MYRIP: variants seen among roughly 807,000 people sequenced by gnomAD.
MYRIP encodes the protein rab effector MyRIP.
A neutral mutation model predicts 98.0 loss-of-function variants in MYRIP; 49 were observed. That is an observed-to-expected ratio of 0.50 (90% CI 0.40 to 0.63). The LOEUF (loss-of-function observed/expected upper bound fraction) is 0.63, where lower values mean the gene tolerates loss of function less well. Among genes scored for constraint, MYRIP ranks in the 30% least tolerant of loss-of-function variants. The pLI, the probability that MYRIP is intolerant of heterozygous loss-of-function variation, is 0.00. For missense variants in MYRIP, 1,004 were observed against 1,058.2 expected, an observed-to-expected ratio of 0.95 and a Z score of 0.71; for synonymous variants, 404 against 409.5, an observed-to-expected ratio of 0.99 and a Z score of 0.16.
intron 2 of MYRIP, among the ~76,000 whole-genome samples, chr3:40,024,247 G>A (rs12630467): frequency 0.085 from 13,008 of 152,188 alleles, 890 homozygotes; most frequent in African/African-American, 0.18. Flanking sequence ...CTGGTCTGTC[G>A]TATGCACTGT....
chr3:39,945,382 C>T (rs1575402350), intron 2 of MYRIP, among the ~76,000 whole-genome samples: 2 of 128,260 alleles, frequency 1.6e-5, no homozygotes, highest in South Asian at 5.1e-4. Flanking sequence ...GAGTCTAAGA[C>T]AGGTGAATCA....
At chr3:39,827,218 TCCTCCCACCTCAA>T (rs1200043910) in intron 1 of MYRIP, among the ~76,000 whole-genome samples, 1 of 152,156 alleles carries the variant, frequency 6.6e-6, no homozygotes, top group East Asian at 1.9e-4. Context: ...ACTCAAATGA[TCCTCCCACCTCAA>T]CCTCCTCACT....
At chr3:40,034,587 G>A (rs972268733) in intron 2 of MYRIP, among the ~76,000 whole-genome samples, 1 of 150,510 alleles carries the variant, frequency 6.6e-6, no homozygotes, top group Non-Finnish European at 1.5e-5. Context: ...GTGCTGGAGA[G>A]GATGTGGAGA....
At chr3:40,035,246 AAAAG>A (rs200874878) in intron 2 of MYRIP, among the ~76,000 whole-genome samples, 2,614 of 151,968 alleles carry the variant, frequency 0.017, 65 homozygotes, top group African/African-American at 0.058. Flanking sequence ...AAAATTAAAA[AAAAG>A]AAAAAGAAAT....
At chr3:39,871,336 T>C (rs1942782427) in intron 1 of MYRIP, among the ~76,000 whole-genome samples, 1 of 152,220 alleles carries the variant, frequency 6.6e-6, no homozygotes, top group African/African-American at 2.4e-5. Flanking sequence ...GGCTTGTGAT[T>C]TGAGTTCAAC....
chr3:39,958,547 T>G (rs1216409933), intron 2 of MYRIP, among the ~76,000 whole-genome samples: 2 of 152,218 alleles, frequency 1.3e-5, no homozygotes, highest in Non-Finnish European at 2.9e-5. Context: ...ATTAAAGACT[T>G]AAATGTTAGA....
In MYRIP at chr3:40,015,943, T is replaced by A. The variant is rs74944915; in HGVS notation, c.111-28107T>A. Among the ~76,000 whole-genome samples the A allele has an allele frequency of 6.6e-4, 101 of 152,256 alleles. No homozygotes were observed. The East Asian group carries it at 0.019, about 28-fold the overall frequency. On this transcript the variant is annotated intron_variant, in intron 2 of 16. Transcript: ENST00000302541. ...CACTGAAACCACTCTTCCTAGTGGT[T>A]TTAGTAACTCTAGTGAACACATTTT...
chr3:39,837,760 A>T (rs558489618), intron 1 of MYRIP, among the ~76,000 whole-genome samples: 1 of 152,208 alleles, frequency 6.6e-6, no homozygotes, highest in Non-Finnish European at 1.5e-5. Flanking sequence ...AAGAAAGCCA[A>T]TGGTAGCTTG....
chr3:39,845,709 G>T (rs1242884664), intron 1 of MYRIP, among the ~76,000 whole-genome samples: 1 of 151,942 alleles, frequency 6.6e-6, no homozygotes, highest in Non-Finnish European at 1.5e-5. Context: ...TGGAGGTGGG[G>T]GCTCAAGGGA....
chr3:40,117,794 A>G (rs1404709602), intron 3 of MYRIP, among the ~76,000 whole-genome samples: 7 of 152,202 alleles, frequency 4.6e-5, no homozygotes, highest in Non-Finnish European at 1.5e-5. Flanking sequence ...AAATTAATTT[A>G]CTTTAGAGCA....
intron 2 of MYRIP, among the ~76,000 whole-genome samples, chr3:39,981,080 A>G (rs1014066152): frequency 3.9e-5 from 6 of 152,230 alleles, no homozygotes; most frequent in East Asian, 3.8e-4. Context: ...TTAAAATAAC[A>G]TAAGTGTCAT....
At chr3:40,006,739 T>A (rs770867207) in intron 2 of MYRIP, among the ~76,000 whole-genome samples, 2 of 152,248 alleles carry the variant, frequency 1.3e-5, no homozygotes, top group Non-Finnish European at 2.9e-5. Flanking sequence ...TTTGCAGTAT[T>A]CGTCTTCTAG....
intron 11 of MYRIP, among the ~76,000 whole-genome samples, chr3:40,231,037 C>G (rs981682266): frequency 6.6e-6 from 1 of 152,138 alleles, no homozygotes; most frequent in Non-Finnish European, 1.5e-5. Context: ...GTTGGCCAGG[C>G]TGGTCTCAAA....
intron 11 of MYRIP, among the ~76,000 whole-genome samples, chr3:40,222,124 G>A (rs1268124083): frequency 6.6e-6 from 1 of 152,236 alleles, no homozygotes; most frequent in Non-Finnish European, 1.5e-5. Flanking sequence ...TATAGCAGCA[G>A]CAGAGGTACT....
chr3:40,043,108 A>G (rs767133872), intron 2 of MYRIP, among the ~76,000 whole-genome samples: 3 of 152,184 alleles, frequency 2.0e-5, no homozygotes, highest in Non-Finnish European at 2.9e-5. Flanking sequence ...CATAAGTTGA[A>G]CCATTATAAG....
chr3:40,073,350 A>G (rs996758155), intron 3 of MYRIP, among the ~76,000 whole-genome samples: 2 of 152,186 alleles, frequency 1.3e-5, no homozygotes, highest in Non-Finnish European at 2.9e-5. Flanking sequence ...AGCAGCCCCA[A>G]GAGTTCTGCA....
At chr3:40,138,739 C>A (rs1175242505) in intron 3 of MYRIP, among the ~76,000 whole-genome samples, 1 of 152,138 alleles carries the variant, frequency 6.6e-6, no homozygotes, top group Non-Finnish European at 1.5e-5. Context: ...ATATCACATG[C>A]AGTGATCAGA....
At chr3:39,926,382 T>C (rs1430344702) in intron 2 of MYRIP, among the ~76,000 whole-genome samples, 2 of 152,150 alleles carry the variant, frequency 1.3e-5, no homozygotes, top group African/African-American at 4.8e-5. Context: ...CAATTGCTTT[T>C]GAGGACTTAG....
Position 39,833,384 on chromosome 3 carries a change from T to A in MYRIP, c.-31+23468T>A, listed in dbSNP as rs555363151. Among the ~76,000 whole-genome samples the A allele has an allele frequency of 2.0e-5, 3 of 152,272 alleles. No homozygotes were observed. The South Asian group carries it at 6.2e-4, about 32-fold the overall frequency. On this transcript the variant is annotated intron_variant, in intron 1 of 16. Transcript: ENST00000302541. Reference sequence around the variant, plus strand: ...AGAGGGGTAGAGAGCTATTATAGGCTCTTTCTGGTGCCTACTACCCAGGAG... The same window carrying A: ...AGAGGGGTAGAGAGCTATTATAGGCACTTTCTGGTGCCTACTACCCAGGAG...
Sources: allele counts gnomAD v4.1 joint callset (sites outside exome capture counted in the v4.1 genomes callset), GRCh38; gene constraint gnomAD v4.1.1; transcripts MANE v1.5; gene names NCBI Gene and HGNC (gene_info 2026-07-23, HGNC 2026-07-21).